MINAR1: variants seen among roughly 807,000 people sequenced by gnomAD.
MINAR1 encodes the protein major intrinsically disordered Notch2-binding receptor 1.
Under a neutral mutation model 65.1 loss-of-function variants are expected in MINAR1, and 40 were observed. The ratio of observed to expected loss-of-function variants is 0.61; its 90% CI spans 0.48 to 0.80. The LOEUF (loss-of-function observed/expected upper bound fraction) is 0.80. Ranked by LOEUF, MINAR1 falls within the 30% of genes least tolerant of loss-of-function variation. The pLI, the probability that MINAR1 is intolerant of heterozygous loss-of-function variation, is 0.00. For synonymous variants in MINAR1, 482 were observed against 449.1 expected, an observed-to-expected ratio of 1.07 and a Z score of -0.93; for missense variants, 1,128 against 1,148.0, an observed-to-expected ratio of 0.98 and a Z score of 0.25.
rs941792067 is a variant in MINAR1 at position 79,469,167 on chromosome 15, C to T, written c.*783C>T. 1 of 152,656 alleles carries T rather than the reference C, an allele frequency of 6.6e-6. No homozygotes were observed. Among genetic ancestry groups the T allele is most frequent in the African/African-American group, 2.4e-5 (1 of 41,468 alleles). 9.5% of individuals were successfully genotyped at this position (152,656 alleles called of 1,614,324 possible). On this transcript the variant is annotated 3_prime_UTR_variant, in exon 4 of 4. Transcript: ENST00000305428. ...TAAGGTCAGTATTTGAAAATCATGG[C>T]CACTCCAAAGGATCTCCTGTTCTTG... is the stretch of plus-strand genomic sequence containing the variant.
intron 1 of MINAR1, among the ~76,000 whole-genome samples, chr15:79,455,805 G>T (rs1895390273): frequency 6.6e-6 from 1 of 152,140 alleles, no homozygotes; most frequent in Non-Finnish European, 1.5e-5. Flanking sequence ...ATCATAACAT[G>T]TTTATGTATT....
At chr15:79,412,338 C>G in the MINAR1 span, 1 of 152,384 alleles carries the variant, frequency 6.6e-6, no homozygotes, top group Non-Finnish European at 1.5e-5. Context: ...CAGCCTCCTC[C>G]TCCCCACACC....
At chr15:79,467,676 A>G (rs1465235347) in intron 3 of MINAR1, among the ~76,000 whole-genome samples, 1 of 152,166 alleles carries the variant, frequency 6.6e-6, no homozygotes, top group Non-Finnish European at 1.5e-5. Context: ...GAAATAGTCT[A>G]TGTTTTGTTT....
the MINAR1 span, chr15:79,425,175 G>A: frequency 6.6e-6 from 1 of 152,114 alleles, no homozygotes; most frequent in Non-Finnish European, 1.5e-5. Flanking sequence ...AAGTAGCTGG[G>A]ACTATAGTCA....
upstream of MINAR1, among the ~76,000 whole-genome samples, chr15:79,431,221 G>C (rs2141271336): frequency 6.6e-6 from 1 of 152,278 alleles, no homozygotes; most frequent in Admixed American, 6.5e-5. Context: ...CTTTCCTTTT[G>C]AAATGAGATT....
intron 1 of MINAR1, among the ~76,000 whole-genome samples, chr15:79,435,319 A>G (rs1894566923): frequency 6.6e-6 from 1 of 151,632 alleles, no homozygotes; most frequent in African/African-American, 2.4e-5. Context: ...AGAGCAAGGG[A>G]GGGACATAGC....
Position 79,440,491 on chromosome 15 carries a change from T to C in MINAR1, c.-51+7951T>C, listed in dbSNP as rs200129946. ...CAGTGGGTGCAATTGTGGAAGAGGC[T>C]GCCTTTGGGAAATTGTGAGTGTTCC... is the stretch of plus-strand genomic sequence containing the variant. On this transcript the variant is annotated intron_variant, in intron 1 of 3. Transcript: ENST00000305428. Among the ~76,000 whole-genome samples the C allele has an allele frequency of 7.9e-5, 12 of 152,350 alleles. No homozygotes were observed. The East Asian group carries it at 2.1e-3, about 27-fold the overall frequency.
the MINAR1 span, chr15:79,419,882 A>C: frequency 1.3e-5 from 2 of 152,224 alleles, no homozygotes; most frequent in Non-Finnish European, 2.9e-5. Flanking sequence ...TTTTAGAAGA[A>C]GAGAATAGAA....
chr15:79,440,813 T>G (rs1046990305), intron 1 of MINAR1, among the ~76,000 whole-genome samples: 1 of 152,200 alleles, frequency 6.6e-6, no homozygotes, highest in African/African-American at 2.4e-5. Context: ...CTTTTTCTGC[T>G]TTTCTCCATA....
At chr15:79,440,098 C>T (rs928285554) in intron 1 of MINAR1, among the ~76,000 whole-genome samples, 2 of 152,068 alleles carry the variant, frequency 1.3e-5, no homozygotes, top group Non-Finnish European at 2.9e-5. Flanking sequence ...CCAGAATTTC[C>T]CAGTTAGCCG....
chr15:79,463,278 G>A lies in MINAR1; in HGVS notation c.2510G>A (p.Arg837Gln), dbSNP rs772502267. ...TCTTGGACCATTGAGGAGTATGCAC[G>A]GAATGCGGGCGACAAGGGCAAGCTG... ...QPSWTIEEYA[R>Q]NAGDKGKLTA... Residue 837 changes from arginine to glutamine, a missense_variant, in exon 3 of 4, where the codon CGG (arginine) becomes CAG (glutamine). Transcript: ENST00000305428. 19 of 1,614,164 alleles carry A rather than the reference G, an allele frequency of 1.2e-5. No individual in the cohort carries two copies. Among genetic ancestry groups the A allele is most frequent in the Middle Eastern group, 3.3e-4 (2 of 6,062 alleles).
intron 1 of MINAR1, among the ~76,000 whole-genome samples, chr15:79,445,608 G>C (rs1024826453): frequency 6.8e-6 from 1 of 148,082 alleles, no homozygotes; most frequent in Non-Finnish European, 1.5e-5. Context: ...GAGTGCAGTG[G>C]CATGATCTTG....
chr15:79,426,058 C>G, the MINAR1 span: 1 of 152,284 alleles, frequency 6.6e-6, no homozygotes, highest in Non-Finnish European at 1.5e-5. Flanking sequence ...CAGACACTGA[C>G]TCTGGCGTGC....
chr15:79,447,187 C>A (rs1349964820), intron 1 of MINAR1, among the ~76,000 whole-genome samples: 1 of 152,176 alleles, frequency 6.6e-6, no homozygotes, highest in African/African-American at 2.4e-5. Context: ...TGCCCCCGGC[C>A]AGTTTCATGT....
At chr15:79,411,539 G>T in the MINAR1 span, 1 of 700,502 alleles carries the variant, frequency 1.4e-6, no homozygotes, top group Non-Finnish European at 2.6e-6. Flanking sequence ...AGAGTGGATG[G>T]AGGGAAGACA....
the MINAR1 span, chr15:79,412,440 G>T: frequency 6.6e-6 from 1 of 152,348 alleles, no homozygotes; most frequent in African/African-American, 2.4e-5. Flanking sequence ...ACTGCTGCTG[G>T]AGTGAAACTA....
intron 1 of MINAR1, among the ~76,000 whole-genome samples, chr15:79,437,780 TA>T (rs1567049122): frequency 1.9e-5 from 1 of 52,284 alleles, no homozygotes. Context: ...GTGGGGTGGG[TA>T]GTGTGTGGGG....
intron 1 of MINAR1, among the ~76,000 whole-genome samples, 183 bp downstream of exon 1, chr15:79,432,723 G>T (rs1027094498): frequency 6.6e-6 from 1 of 152,228 alleles, no homozygotes; most frequent in African/African-American, 2.4e-5. Flanking sequence ...GAGGTGTGGG[G>T]GCCCTTGTCG....
At position 79,456,966 on chromosome 15, in the gene MINAR1, TTTGG is replaced by T. The variant is rs1227041446; in HGVS notation, c.824_827del (p.Val275AlafsTer38). ...ACAATTTGATGGCAGTGTCCCCCAGTTTGGTTGGCCCCATCAGCAAAGCAGAGAA... is the reference window on the plus strand; with the variant it reads ...ACAATTTGATGGCAGTGTCCCCCAGTTTGGCCCCATCAGCAAAGCAGAGAA... On this transcript the variant is annotated frameshift_variant, in exon 2 of 4. Coordinates refer to ENST00000305428, the MANE Select transcript of MINAR1 (RefSeq NM_015206.3). LOFTEE classifies it high-confidence loss of function. The T allele has an allele frequency of 2.5e-6, 4 of 1,614,006 alleles. No individual in the cohort carries two copies. The highest frequency in any genetic ancestry group is 1.3e-5 in the African/African-American group (1 of 74,922).
Sources: allele counts gnomAD v4.1 joint callset (sites outside exome capture counted in the v4.1 genomes callset), GRCh38; gene constraint gnomAD v4.1.1; transcripts MANE v1.5; gene names NCBI Gene and HGNC (gene_info 2026-07-23, HGNC 2026-07-21).